The following CTNNA2 variants were observed in gnomAD, a reference collection of about 807,000 sequenced individuals.
CTNNA2 encodes catenin alpha 2, also known as catenin alpha-2.
In CTNNA2, 42 loss-of-function variants were observed where a neutral mutation model predicts 101.0. The ratio of observed to expected loss-of-function variants is 0.42; its 90% CI spans 0.32 to 0.54. CTNNA2 has a LOEUF of 0.54. Ranked by LOEUF, CTNNA2 falls within the 20% of genes least tolerant of loss-of-function variation. The pLI, the probability that CTNNA2 is intolerant of heterozygous loss-of-function variation, is 0.14. For missense variants in CTNNA2, 871 were observed against 1,223.1 expected (o/e 0.71, Z 4.29); for synonymous variants, 450 against 456.4 (o/e 0.99, Z 0.18).
chr2:80,500,764 C>G (rs1687819397), intron 9 of CTNNA2, among the ~76,000 whole-genome samples: 1 of 152,254 alleles, frequency 6.6e-6, no homozygotes, highest in Admixed American at 6.5e-5. Flanking sequence ...AAAATTGCCT[C>G]AAGTTGTGCA....
chr2:79,706,573 G>A (rs1685398357), intron 2 of CTNNA2, among the ~76,000 whole-genome samples: 1 of 152,036 alleles, frequency 6.6e-6, no homozygotes. Flanking sequence ...TCTTTAAGGA[G>A]AAAAGGTATG....
intron 7 of CTNNA2, among the ~76,000 whole-genome samples, chr2:80,375,802 A>G (rs1675897855): frequency 2.0e-5 from 3 of 151,284 alleles, no homozygotes; most frequent in Non-Finnish European, 4.4e-5. Flanking sequence ...TGACCTCATG[A>G]TTCACCCGCC....
chr2:79,244,211 T>G (rs1674669104), intron 2 of CTNNA2, among the ~76,000 whole-genome samples: 1 of 152,216 alleles, frequency 6.6e-6, no homozygotes, highest in South Asian at 2.1e-4. Flanking sequence ...TTTTCTCATT[T>G]GATCTCTTCC....
intron 2 of CTNNA2, among the ~76,000 whole-genome samples, chr2:79,302,002 A>G (rs889510244): frequency 2.6e-5 from 4 of 152,104 alleles, no homozygotes; most frequent in African/African-American, 7.2e-5. Flanking sequence ...TTGAGGCAGG[A>G]GAATCACTTG....
chr2:79,713,170 T>C (rs1685850894), intron 2 of CTNNA2, among the ~76,000 whole-genome samples: 2 of 152,202 alleles, frequency 1.3e-5, no homozygotes, highest in African/African-American at 4.8e-5. Context: ...ATGGCAAAAA[T>C]CATTGAATAA....
intron 4 of CTNNA2, among the ~76,000 whole-genome samples, chr2:79,451,465 TA>T (rs904962272): frequency 3.3e-5 from 5 of 151,516 alleles, no homozygotes; most frequent in South Asian, 2.1e-4. Flanking sequence ...ATGAGAACTT[TA>T]AAAAAAAACT....
intron 7 of CTNNA2, among the ~76,000 whole-genome samples, chr2:79,950,679 T>A (rs1688818774): frequency 6.6e-6 from 1 of 152,220 alleles, no homozygotes; most frequent in African/African-American, 2.4e-5. Context: ...GGTAACATAT[T>A]GAGCTTACCA....
chr2:80,216,509 C>CT (rs1313595786), intron 7 of CTNNA2, among the ~76,000 whole-genome samples: 7 of 152,164 alleles, frequency 4.6e-5, no homozygotes, highest in Admixed American at 2.6e-4. Context: ...TTGGGAGTTA[C>CT]TAGGTCGTGA....
intron 2 of CTNNA2, among the ~76,000 whole-genome samples, chr2:79,676,344 T>C (rs1683184474): frequency 6.6e-6 from 1 of 152,170 alleles, no homozygotes; most frequent in Admixed American, 6.5e-5. Flanking sequence ...GGCTGACTTC[T>C]GGGAGCAGCA....
intron 3 of CTNNA2, among the ~76,000 whole-genome samples, chr2:79,856,332 A>G (rs1261100259): frequency 6.6e-6 from 1 of 152,240 alleles, no homozygotes; most frequent in African/African-American, 2.4e-5. Context: ...TGATCGGCCT[A>G]TAAAATGGTA....
chr2:80,069,521 G>C (rs1422066891), intron 7 of CTNNA2, among the ~76,000 whole-genome samples: 1 of 152,150 alleles, frequency 6.6e-6, no homozygotes, highest in African/African-American at 2.4e-5. Flanking sequence ...GATTGAAAAT[G>C]TACTAATTCC....
intron 3 of CTNNA2, among the ~76,000 whole-genome samples, chr2:79,747,382 T>C (rs974788616): frequency 1.3e-5 from 2 of 152,172 alleles, no homozygotes; most frequent in Non-Finnish European, 2.9e-5. Context: ...TGCCATATAA[T>C]AAACTGTATG....
At chr2:79,798,236 G>C (rs1675873708) in intron 3 of CTNNA2, among the ~76,000 whole-genome samples, 1 of 152,164 alleles carries the variant, frequency 6.6e-6, no homozygotes, top group Admixed American at 6.5e-5. Flanking sequence ...GGAACAGGTT[G>C]AAAGCAAGAT....
intron 2 of CTNNA2, among the ~76,000 whole-genome samples, chr2:79,718,547 A>G (rs547818296): frequency 6.6e-6 from 1 of 152,318 alleles, no homozygotes; most frequent in South Asian, 2.1e-4. Context: ...TGCCTTAAAG[A>G]TGAAGCCTCC....
Position 80,023,948 on chromosome 2 carries a change from G to A in CTNNA2, c.1056+114151G>A, listed in dbSNP as rs1027101458. Among the ~76,000 whole-genome samples, 7 of 152,024 alleles carry A rather than the reference G, an allele frequency of 4.6e-5. No individual in the cohort carries two copies. In the East Asian group the frequency reaches 1.4e-3, roughly 30 times the overall value. ...TAAAAATACAAAAAATTAGCCGGGC[G>A]TGGTGGTGGGCGCCTGTAGTCCCAG... On this transcript the variant is annotated intron_variant, in intron 7 of 18. Coordinates refer to ENST00000402739, the MANE Select transcript of CTNNA2 (RefSeq NM_001282597.3).
At chr2:79,806,545 G>A (rs1318672250) in intron 3 of CTNNA2, among the ~76,000 whole-genome samples, 3 of 152,062 alleles carry the variant, frequency 2.0e-5, no homozygotes, top group African/African-American at 7.2e-5. Context: ...TCCCCTCATT[G>A]TCCGCAGGTG....
intron 8 of CTNNA2, among the ~76,000 whole-genome samples, chr2:80,410,930 A>C (rs1310957580): frequency 6.6e-6 from 1 of 152,220 alleles, no homozygotes; most frequent in Non-Finnish European, 1.5e-5. Flanking sequence ...TAAGAGTGAG[A>C]ATGCAAATTA....
intron 1 of CTNNA2, among the ~76,000 whole-genome samples, chr2:79,536,181 A>G (rs533995120): frequency 2.1e-4 from 32 of 152,316 alleles, no homozygotes; most frequent in African/African-American, 7.0e-4. Flanking sequence ...CTAGATTCAC[A>G]TTGCCAGCCT....
chr2:79,472,460 T>A (rs934525671), intron 4 of CTNNA2, among the ~76,000 whole-genome samples: 21 of 152,160 alleles, frequency 1.4e-4, no homozygotes, highest in South Asian at 4.1e-4. Context: ...GACCTCTGAA[T>A]CACCTTGGTG....
Sources: allele counts gnomAD v4.1 joint callset (sites outside exome capture counted in the v4.1 genomes callset), GRCh38; gene constraint gnomAD v4.1.1; transcripts MANE v1.5; gene names NCBI Gene and HGNC (gene_info 2026-07-23, HGNC 2026-07-21).